Variants in RBPJL observed in about 807,000 individuals in gnomAD.
The protein encoded by RBPJL is recombination signal binding protein for immunoglobulin kappa J region like, also known as recombining binding protein suppressor of hairless-like protein.
In RBPJL, 50 loss-of-function variants were observed where a neutral mutation model predicts 57.6. That is an observed-to-expected ratio of 0.87 (90% confidence interval 0.69 to 1.10). The LOEUF (loss-of-function observed/expected upper bound fraction) is 1.10. Among genes scored for constraint, RBPJL ranks in the 50% least tolerant of loss-of-function variants. The pLI, the probability that RBPJL is intolerant of heterozygous loss-of-function variation, is 0.00. For missense variants in RBPJL, 684 were observed against 693.7 expected, an observed-to-expected ratio of 0.99 and a Z score of 0.16; for synonymous variants, 303 against 294.4, an observed-to-expected ratio of 1.03 and a Z score of -0.30.
At chr20:45,313,915 C>G in intron 7 of RBPJL, 120 bp from the exon 8 acceptor site, 2 of 777,922 alleles carry the variant, frequency 2.6e-6, no homozygotes, top group South Asian at 1.6e-5. Flanking sequence ...CCCTGAGTAC[C>G]AAGCTTTCCC....
At chr20:45,310,145 A>G (rs1443655866) in intron 3 of RBPJL, among the ~76,000 whole-genome samples, 1 of 152,182 alleles carries the variant, frequency 6.6e-6, no homozygotes, top group Non-Finnish European at 1.5e-5. Context: ...TGAGCACTAG[A>G]AGGAAAACTG....
chr20:45,311,898 T>G lies in RBPJL; in HGVS notation c.388T>G (p.Ser130Ala). 1 of 1,539,654 alleles carries G rather than the reference T, an allele frequency of 6.5e-7. No individual in the cohort carries two copies. Among genetic ancestry groups the G allele is most frequent in the Non-Finnish European group, 8.7e-7 (1 of 1,144,490 alleles). ...VCGYMGLDSA[S>A]GSATETQKLN... is the part of the protein sequence containing the mutation. ...CGGTTACATGGGACTGGACAGCGCG[T>G]CCGGCAGCGCCACTGAGACGCAGAA... The change falls in exon 5 of 12, where the codon TCC (serine) becomes GCC (alanine). Residue 130 changes from serine (S) to alanine (A), a missense_variant. Ser to Ala is a moderately conservative substitution (Grantham distance 99). Coordinates refer to ENST00000343694, the MANE Select transcript of RBPJL (RefSeq NM_014276.4).
chr20:45,308,085 G>A, intron 1 of RBPJL, 58 bp from the exon 2 acceptor site: 2 of 1,244,568 alleles, frequency 1.6e-6, no homozygotes, highest in Middle Eastern at 3.8e-4. Flanking sequence ...GGCACCCTAG[G>A]CAGCGTCTCT....
rs375073038 is a variant in RBPJL, at chr20:45,316,200, C to G, written c.1034C>G (p.Pro345Arg). The G allele has an allele frequency of 2.5e-4, 400 of 1,613,930 alleles. No homozygotes were observed. Among genetic ancestry groups the G allele is most frequent in the Non-Finnish European group, 3.2e-4 (373 of 1,179,904 alleles). ...KVVQFQASPC[P>R]KEANRALLND... is the part of the protein sequence containing the mutation. ...GTCTCCTCCCAGGCCTCTCCCTGCCCCAAGGAGGCGAACAGGGCTCTGCTT... is the reference window on the plus strand; with the variant it reads ...GTCTCCTCCCAGGCCTCTCCCTGCCGCAAGGAGGCGAACAGGGCTCTGCTT... Residue 345 changes from proline to arginine, a missense_variant, in exon 10 of 12, where the codon CCC becomes CGC. Physicochemically the swap from Pro to Arg is moderately radical, Grantham distance 103. Transcript: ENST00000343694.
rs932924482 is a variant in RBPJL at position 45,315,909 on chromosome 20, G to A, written c.1021-278G>A. On this transcript the variant is annotated intron_variant, in intron 9 of 11. Transcript: ENST00000343694. ...AGAAAAAGAAAGAAAGGAAAAAAGA[G>A]AGAGAAAGGGAAAGAAAAAGAAAAG... The A allele has an allele frequency of 1.9e-4, 69 of 354,472 alleles. 5 individuals carry two copies. 22.0% of individuals were successfully genotyped at this position (354,472 alleles called of 1,614,324 possible).
At chr20:45,314,250 C>A in intron 8 of RBPJL, 106 bp downstream of exon 8, 2 of 1,232,744 alleles carry the variant, frequency 1.6e-6, no homozygotes, top group Non-Finnish European at 2.3e-6. Context: ...ATGGAGACAC[C>A]TGTTCTCACC....
At position 45,316,907 on chromosome 20, in the gene RBPJL, G is replaced by T. The variant is rs143701206; in HGVS notation, c.1502G>T (p.Ser501Ile). 1.8e-4 allele frequency: 283 copies of T among 1,613,618 alleles called. 1 individual carries two copies. The African/African-American group carries it at 3.2e-3, about 18-fold the overall frequency. Residue 501 changes from serine (S) to isoleucine (I), a missense_variant, in exon 12 of 12, where the codon AGC becomes ATC. Physicochemically the swap from Ser to Ile is moderately radical, Grantham distance 142 (BLOSUM62 -2). Coordinates refer to ENST00000343694, the MANE Select transcript of RBPJL (RefSeq NM_014276.4). ...ACCGACGCCGACGCGCTCCTGGAGAGCATCCATCAGGAGTTCACGCGCACC... is the reference window on the plus strand; with the variant it reads ...ACCGACGCCGACGCGCTCCTGGAGATCATCCATCAGGAGTTCACGCGCACC... ...PATDADALLE[S>I]IHQEFTRTNF...
At chr20:45,308,445 G>A (rs888621019) in intron 2 of RBPJL, 194 bp downstream of exon 2, 11 of 579,574 alleles carry the variant, frequency 1.9e-5, no homozygotes, top group Admixed American at 8.9e-5. Context: ...CTCCTACCAC[G>A]CTTGGAGCTG....
In RBPJL at chr20:45,316,709, T is replaced by C. The variant is rs1444327484; in HGVS notation, c.1304T>C (p.Val435Ala). The part of the protein sequence containing the change: ...MYRSPRSLVC[V>A]VPDVAAFCSD... ...AGGAGCCCGCGGTCCCTGGTGTGCG[T>C]GGTGCCGGACGTGGCGGCCTTCTGC... Residue 435 changes from valine to alanine, a missense_variant, in exon 12 of 12, where the codon GTG (valine) becomes GCG (alanine). Transcript: ENST00000343694. 6.2e-7 allele frequency: 1 copy of C among 1,609,988 alleles called. No homozygotes were observed. The highest frequency in any genetic ancestry group is 2.2e-5 in the East Asian group (1 of 44,706).
Position 45,317,225 on chromosome 20 carries a change from T to C in RBPJL, c.*266T>C. 1 of 546,710 alleles carries C rather than the reference T, an allele frequency of 1.8e-6. No homozygotes were observed. The allele number at this position is 546,710 out of a possible 1,614,324, so 33.9% of individuals were successfully genotyped here. A position where few individuals can be genotyped will look rare whatever the true frequency, so the allele number is the denominator to read the frequency against. On this transcript the variant is annotated 3_prime_UTR_variant, in exon 12 of 12. Transcript: ENST00000343694. ...CCTGTCTTCATTTCTTCTCACTCTG[T>C]CTCTAAACCTCTCTCTCTCTCCCTT...
chr20:45,312,220 G>A lies in RBPJL; in HGVS notation c.445-1G>A. 1 of 1,614,126 alleles carries A rather than the reference G, an allele frequency of 6.2e-7. No homozygotes were observed. Among genetic ancestry groups the A allele is most frequent in the Non-Finnish European group, 8.5e-7 (1 of 1,180,016 alleles). The stretch of plus-strand genomic sequence containing the variant: ...TGGCCCTGTACCTGTGAGCCCCCTA[G>A]GAATTCGGCTGCGCCAAGACCCTGT... On this transcript the variant is annotated splice_acceptor_variant, in intron 5 of 11. Coordinates refer to ENST00000343694, the MANE Select transcript of RBPJL (RefSeq NM_014276.4). LOFTEE classifies it high-confidence loss of function.
chr20:45,315,740 CA>C (rs748056086), intron 9 of RBPJL, among the ~76,000 whole-genome samples: 680 of 51,880 alleles, frequency 0.013, no homozygotes, highest in Middle Eastern at 0.043. Context: ...GATTCAGTCT[CA>C]AAAAAAAAAA....
rs1322037408 is a variant in RBPJL at position 45,312,309 on chromosome 20, G to A, written c.533G>A (p.Gly178Asp). 1.2e-6 allele frequency: 2 copies of A among 1,614,098 alleles called. No homozygotes were observed. Among genetic ancestry groups the A allele is most frequent in the South Asian group, 1.1e-5 (1 of 91,080 alleles). The part of the protein sequence containing the change: ...RLVLRLVLRG[G>D]RELGTFHSRL... ...GTGCTGCGGCTGGTGCTGCGCGGGG[G>A]CCGGGAGCTGGGTACCTTCCACAGC... The change falls in exon 6 of 12, where the codon GGC becomes GAC. Residue 178 changes from glycine (G) to aspartate (D), a missense_variant. Physicochemically the swap from Gly to Asp is moderately conservative, Grantham distance 94. Transcript: ENST00000343694.
chr20:45,312,132 C>T, intron 5 of RBPJL, 89 bp from the exon 6 acceptor site: 2 of 1,586,892 alleles, frequency 1.3e-6, no homozygotes, highest in Non-Finnish European at 1.7e-6. Flanking sequence ...TCACCTCCGA[C>T]GGGGCGGACG....
chr20:45,316,165 G>C lies in RBPJL; in HGVS notation c.1021-22G>C, dbSNP rs111679306. 1.9e-5 allele frequency: 30 copies of C among 1,606,072 alleles called. No individual in the cohort carries two copies. In the African/African-American group the frequency reaches 2.9e-4, roughly 16 times the overall value. ...GGCCACCATGAGAAGCTTCGGCCTC[G>C]TCCCCTTGGGTCTCCTCCCAGGCCT... On this transcript the variant is annotated intron_variant, in intron 9 of 11. Transcript: ENST00000343694.
chr20:45,316,616 G>A (rs551699232), intron 11 of RBPJL, 36 bp downstream of exon 11: 6 of 1,517,040 alleles, frequency 4.0e-6, no homozygotes, highest in African/African-American at 2.8e-5. Flanking sequence ...TTGGGCCCCG[G>A]GGAGCAGGGG....
intron 3 of RBPJL, among the ~76,000 whole-genome samples, chr20:45,310,889 G>C (rs1399687951): frequency 6.6e-6 from 1 of 152,142 alleles, no homozygotes; most frequent in Non-Finnish European, 1.5e-5. Context: ...CAGGTGGGCA[G>C]ATTGCTTGAG....
intron 7 of RBPJL, 56 bp from the exon 8 acceptor site, chr20:45,313,979 A>C (rs1352982703): frequency 1.6e-6 from 2 of 1,279,444 alleles, no homozygotes; most frequent in Admixed American, 1.7e-5. Flanking sequence ...GCAGGGTTTA[A>C]GGCAGAAGCT....
intron 3 of RBPJL, among the ~76,000 whole-genome samples, chr20:45,311,230 G>A (rs182353002): frequency 4.3e-4 from 65 of 152,212 alleles, no homozygotes; most frequent in African/African-American, 1.3e-3. Context: ...GCTGCTGTGC[G>A]AAATGGGAAG....
Sources: gnomAD v4.1 joint callset for allele counts (sites outside exome capture counted in the v4.1 genomes callset) on GRCh38, gnomAD v4.1.1 for gene constraint, MANE v1.5 for transcripts, NCBI Gene and HGNC (gene_info 2026-07-23, HGNC 2026-07-21) for gene names.